The following LATS1 variants were observed in gnomAD, a reference collection of about 807,000 sequenced individuals.
LATS1 encodes large tumor suppressor kinase 1, also known as serine/threonine-protein kinase LATS1.
In LATS1, 25 loss-of-function variants were observed where a neutral mutation model predicts 106.6. That is an observed-to-expected ratio of 0.23 (90% confidence interval 0.17 to 0.33). The LOEUF is 0.33. Among genes scored for constraint, LATS1 ranks in the 10% least tolerant of loss-of-function variants. LATS1 has a pLI of 1.00. For synonymous variants in LATS1, 465 were observed against 455.6 expected, an observed-to-expected ratio of 1.02 and a Z score of -0.26; for missense variants, 1,040 against 1,382.6, an observed-to-expected ratio of 0.75 and a Z score of 3.93.
intron 2 of LATS1, among the ~76,000 whole-genome samples, chr6:149,700,551 C>T (rs1348040116): frequency 6.6e-6 from 1 of 151,930 alleles, no homozygotes; most frequent in Non-Finnish European, 1.5e-5. Flanking sequence ...TACTACAATG[C>T]ATACTTAGGT....
At chr6:149,679,722 G>C (rs1214109891) in intron 5 of LATS1, among the ~76,000 whole-genome samples, 153 bp downstream of exon 5, 2 of 152,084 alleles carry the variant, frequency 1.3e-5, no homozygotes, top group Non-Finnish European at 2.9e-5. Context: ...AAGTCTAAGT[G>C]CCTAATGGAG....
At chr6:149,675,174 G>A (rs559244270) in intron 7 of LATS1, among the ~76,000 whole-genome samples, 113 of 148,906 alleles carry the variant, frequency 7.6e-4, no homozygotes, top group Admixed American at 3.3e-3. Context: ...CTGAGATCAC[G>A]CCACTGCACT....
At chr6:149,696,753 TAAAG>T (rs1370022362) in intron 2 of LATS1, among the ~76,000 whole-genome samples, 5 of 151,986 alleles carry the variant, frequency 3.3e-5, no homozygotes, top group Non-Finnish European at 7.4e-5. Context: ...GATTATGTGA[TAAAG>T]ACTTTAGGAG....
intron 7 of LATS1, among the ~76,000 whole-genome samples, chr6:149,669,712 T>C (rs1781346254): frequency 6.6e-6 from 1 of 151,694 alleles, no homozygotes; most frequent in African/African-American, 2.4e-5. Flanking sequence ...TGAGCTGAGA[T>C]CACGACCCTG....
intron 1 of LATS1, among the ~76,000 whole-genome samples, chr6:149,704,053 G>A (rs562445403): frequency 1.3e-5 from 2 of 152,268 alleles, no homozygotes; most frequent in Admixed American, 1.3e-4. Flanking sequence ...CCCCAGGCTG[G>A]AGTGCAATGG....
chr6:149,677,556 C>A (rs1461226841), intron 5 of LATS1, among the ~76,000 whole-genome samples: 2 of 151,990 alleles, frequency 1.3e-5, no homozygotes, highest in African/African-American at 4.8e-5. Flanking sequence ...AAAAAAAGTT[C>A]TTTATGGGTC....
chr6:149,686,485 G>A (rs959750673), intron 3 of LATS1, among the ~76,000 whole-genome samples: 12 of 151,976 alleles, frequency 7.9e-5, no homozygotes, highest in African/African-American at 2.4e-4. Context: ...CATGCCCTCC[G>A]GATCCACTCG....
At chr6:149,693,905 C>A (rs1399939786) in intron 3 of LATS1, among the ~76,000 whole-genome samples, 2 of 152,010 alleles carry the variant, frequency 1.3e-5, no homozygotes, top group African/African-American at 4.8e-5. Context: ...GTCTGGCCAA[C>A]ATGGTGAAAC....
At chr6:149,710,808 A>G (rs182659375) in intron 1 of LATS1, among the ~76,000 whole-genome samples, 1 of 152,348 alleles carries the variant, frequency 6.6e-6, no homozygotes. Flanking sequence ...GGATTTTGGA[A>G]GTGAGTATTG....
chr6:149,689,306 A>G (rs1041574526), intron 3 of LATS1, among the ~76,000 whole-genome samples: 6 of 152,032 alleles, frequency 3.9e-5, no homozygotes, highest in South Asian at 2.1e-4. Context: ...TAGCCAGGCC[A>G]TGGACAAGGA....
At chr6:149,666,397 C>T (rs1038539253) in intron 7 of LATS1, among the ~76,000 whole-genome samples, 1 of 151,430 alleles carries the variant, frequency 6.6e-6, no homozygotes, top group African/African-American at 2.4e-5. Flanking sequence ...GCGGGCAGAT[C>T]ACAAGGTCAG....
rs764255571 is a variant in LATS1, at chr6:149,683,842, C to T, written c.1247G>A (p.Ser416Asn). 9.7e-5 allele frequency: 156 copies of T among 1,613,946 alleles called. No individual in the cohort carries two copies. Among genetic ancestry groups the T allele is most frequent in the Non-Finnish European group, 1.2e-4 (143 of 1,180,032 alleles). Residue 416 changes from serine to asparagine, a missense_variant, in exon 4 of 8, where the codon AGT (serine) becomes AAT (asparagine). Ser to Asn is a conservative substitution (Grantham distance 46). Transcript: ENST00000543571. ...AATGTTATATAGTTCCATGTTATGA[C>T]TATTTCTGTTTGGCACCATCATAGA... ...PQSMMVPNRN[S>N]HNMELYNISV...
At chr6:149,676,067 A>G in intron 7 of LATS1, 193 bp downstream of exon 7, 1 of 542,984 alleles carries the variant, frequency 1.8e-6, no homozygotes. Context: ...TGCCAGGCTG[A>G]TCTTGAACTC....
At chr6:149,664,441 C>A (rs1781039949) in intron 7 of LATS1, among the ~76,000 whole-genome samples, 2 of 151,958 alleles carry the variant, frequency 1.3e-5, no homozygotes, top group African/African-American at 4.8e-5. Context: ...GAATCTCAAC[C>A]AAGAAAAATA....
chr6:149,670,331 G>A (rs1781382388), intron 7 of LATS1, among the ~76,000 whole-genome samples: 1 of 151,790 alleles, frequency 6.6e-6, no homozygotes, highest in African/African-American at 2.4e-5. Flanking sequence ...TAGCAGAGTA[G>A]GAAGCATCAG....
At chr6:149,701,535 T>C (rs1227777576) in intron 2 of LATS1, among the ~76,000 whole-genome samples, 2 of 152,214 alleles carry the variant, frequency 1.3e-5, no homozygotes, top group African/African-American at 4.8e-5. Flanking sequence ...CTTCATGATC[T>C]GGCCTTTTAA....
intron 4 of LATS1, 173 bp downstream of exon 4, chr6:149,682,906 T>TA: frequency 1.7e-6 from 1 of 595,052 alleles, no homozygotes; most frequent in African/African-American, 1.9e-5. Flanking sequence ...AATACTAAAA[T>TA]AAAATGCTAC....
At chr6:149,700,618 CACAAA>C (rs1783397060) in intron 2 of LATS1, among the ~76,000 whole-genome samples, 1 of 151,668 alleles carries the variant, frequency 6.6e-6, no homozygotes, top group Admixed American at 6.6e-5. Flanking sequence ...CAAAAAAACA[CACAAA>C]ACAACAAAAA....
chr6:149,673,099 T>TTC (rs1781532160), intron 7 of LATS1, among the ~76,000 whole-genome samples: 1 of 48,186 alleles, frequency 2.1e-5, no homozygotes, highest in Admixed American at 3.4e-4. Flanking sequence ...TTCTTTTCTT[T>TTC]TTTTTTTTTT....
Sources: gnomAD v4.1 joint callset for allele counts (sites outside exome capture counted in the v4.1 genomes callset) on GRCh38, gnomAD v4.1.1 for gene constraint, MANE v1.5 for transcripts, NCBI Gene and HGNC (gene_info 2026-07-23, HGNC 2026-07-21) for gene names.